The following NRG3 variants were observed in gnomAD, a reference collection of about 807,000 sequenced individuals.
The protein encoded by NRG3 is pro-neuregulin-3, membrane-bound isoform.
NRG3 carries 31 observed loss-of-function variants against 66.9 expected under a neutral mutation model. The observed-to-expected ratio is 0.46, with a 90% CI of 0.35 to 0.63. The LOEUF (loss-of-function observed/expected upper bound fraction) is 0.63, where lower values mean the gene tolerates loss of function less well. Among genes scored for constraint, NRG3 ranks in the 20% least tolerant of loss-of-function variants. The pLI, the probability that NRG3 is intolerant of heterozygous loss-of-function variation, is 0.00. For missense variants in NRG3, 910 were observed against 878.9 expected, an observed-to-expected ratio of 1.04 and a Z score of -0.45; for synonymous variants, 393 against 359.4, an observed-to-expected ratio of 1.09 and a Z score of -1.06.
chr10:82,191,580 C>T (rs1005991518), intron 1 of NRG3, among the ~76,000 whole-genome samples: 1 of 152,054 alleles, frequency 6.6e-6, no homozygotes, highest in African/African-American at 2.4e-5. Context: ...AACAAGTTTG[C>T]AGGAGCCATT....
At chr10:82,879,467 CTT>C (rs201614818) in intron 4 of NRG3, among the ~76,000 whole-genome samples, 1 of 121,846 alleles carries the variant, frequency 8.2e-6, no homozygotes, top group Admixed American at 8.2e-5. Flanking sequence ...CTAATGAAGA[CTT>C]TTTTTTTTTT....
chr10:82,685,104 A>G (rs1383151980), intron 2 of NRG3, among the ~76,000 whole-genome samples: 2 of 152,012 alleles, frequency 1.3e-5, no homozygotes, highest in Non-Finnish European at 2.9e-5. Flanking sequence ...AAAATGAACA[A>G]GCAAGACTAT....
chr10:82,003,988 A>AACACACAC lies in NRG3; in HGVS notation c.823+127865_823+127872dup, dbSNP rs746699197. Among the ~76,000 whole-genome samples, 822 of 134,398 alleles carry AACACACAC rather than the reference A, an allele frequency of 6.1e-3. 5 individuals are homozygous for AACACACAC. The highest frequency in any genetic ancestry group is 0.014 in the African/African-American group (510 of 35,470). The allele number at this position is 134,398 out of a possible 152,430, so 88.2% of individuals were successfully genotyped here. ...GGTGCTGTAAGGATACCTGACTGAA[A>AACACACAC]ACACACACACACACACACACACACA... On this transcript the variant is annotated intron_variant, in intron 1 of 8. Transcript: ENST00000372141.
At chr10:82,659,723 A>G (rs7072914) in intron 2 of NRG3, among the ~76,000 whole-genome samples, 3,891 of 152,224 alleles carry the variant, frequency 0.026, 154 homozygotes, top group African/African-American at 0.088. Context: ...TGTTGTTTTA[A>G]TAGGTTCAGA....
intron 2 of NRG3, among the ~76,000 whole-genome samples, chr10:82,584,295 A>C (rs573364880): frequency 6.6e-6 from 1 of 152,026 alleles, no homozygotes; most frequent in Non-Finnish European, 1.5e-5. Context: ...CTTGTTGGCC[A>C]TGCTGGTCTT....
intron 2 of NRG3, among the ~76,000 whole-genome samples, chr10:82,402,456 TTTA>T (rs2087175548): frequency 1.3e-5 from 2 of 152,198 alleles, no homozygotes; most frequent in Non-Finnish European, 2.9e-5. Flanking sequence ...TGTTTGTTTA[TTTA>T]TTTTCAGCTG....
chr10:82,028,601 TG>T, intron 1 of NRG3, among the ~76,000 whole-genome samples: 1 of 152,108 alleles, frequency 6.6e-6, no homozygotes, highest in Admixed American at 6.6e-5. Context: ...TGGGCTTCTC[TG>T]ACCTGGCAGT....
intron 1 of NRG3, among the ~76,000 whole-genome samples, chr10:81,947,360 GTCAAGACT>G (rs1328234771): frequency 6.6e-6 from 1 of 152,078 alleles, no homozygotes; most frequent in Non-Finnish European, 1.5e-5. Flanking sequence ...AGGTACTAGG[GTCAAGACT>G]TCAACTTATC....
intron 1 of NRG3, among the ~76,000 whole-genome samples, chr10:82,004,838 G>A (rs2061323044): frequency 6.6e-6 from 1 of 152,206 alleles, no homozygotes; most frequent in East Asian, 1.9e-4. Context: ...TGTGAGCCAA[G>A]GAGTCTTCAG....
chr10:82,086,285 T>C (rs1205530705), intron 1 of NRG3, among the ~76,000 whole-genome samples: 1 of 152,132 alleles, frequency 6.6e-6, no homozygotes, highest in Non-Finnish European at 1.5e-5. Context: ...TTAAAGTAAG[T>C]TATCCATATT....
At chr10:82,961,638 C>T (rs1850650215) in intron 6 of NRG3, among the ~76,000 whole-genome samples, 1 of 152,172 alleles carries the variant, frequency 6.6e-6, no homozygotes, top group South Asian at 2.1e-4. Flanking sequence ...ATGCTACAGG[C>T]ATCTAGTGGG....
intron 2 of NRG3, among the ~76,000 whole-genome samples, chr10:82,605,059 A>G (rs1179602748): frequency 6.6e-6 from 1 of 152,002 alleles, no homozygotes; most frequent in Non-Finnish European, 1.5e-5. Flanking sequence ...CAGTGGATTA[A>G]CTAGGACCAG....
At chr10:82,719,189 T>G (rs1165588273) in intron 2 of NRG3, among the ~76,000 whole-genome samples, 1 of 151,792 alleles carries the variant, frequency 6.6e-6, no homozygotes, top group East Asian at 1.9e-4. Context: ...AGAGTGAGAG[T>G]GTTTGTGGTG....
chr10:82,904,245 T>A (rs1591898346), intron 4 of NRG3, among the ~76,000 whole-genome samples: 1 of 152,156 alleles, frequency 6.6e-6, no homozygotes, highest in Non-Finnish European at 1.5e-5. Context: ...TTAGTTTTAG[T>A]GTATTTTATG....
At chr10:81,998,995 G>A (rs538649588) in intron 1 of NRG3, among the ~76,000 whole-genome samples, 26 of 152,250 alleles carry the variant, frequency 1.7e-4, no homozygotes, top group African/African-American at 6.0e-4. Flanking sequence ...TAGAGATGGG[G>A]TTTCACCGTG....
chr10:82,801,476 A>G (rs2061035480), intron 3 of NRG3, among the ~76,000 whole-genome samples: 1 of 152,146 alleles, frequency 6.6e-6, no homozygotes, highest in Non-Finnish European at 1.5e-5. Context: ...CCAGTAGCAG[A>G]TTGCCAAGCC....
chr10:82,288,337 A>C (rs954840799), intron 1 of NRG3, among the ~76,000 whole-genome samples: 1 of 152,148 alleles, frequency 6.6e-6, no homozygotes, highest in African/African-American at 2.4e-5. Flanking sequence ...TGAGGATTAG[A>C]GAGGTTAAGT....
At chr10:82,877,299 G>T (rs1185073873) in intron 4 of NRG3, among the ~76,000 whole-genome samples, 2 of 150,750 alleles carry the variant, frequency 1.3e-5, no homozygotes, top group Admixed American at 1.3e-4. Flanking sequence ...CTCAGGCCTT[G>T]TACCAGGCCA....
intron 1 of NRG3, among the ~76,000 whole-genome samples, chr10:82,049,207 C>G (rs2063469161): frequency 6.6e-6 from 1 of 152,080 alleles, no homozygotes; most frequent in Non-Finnish European, 1.5e-5. Flanking sequence ...AACTCTTCTT[C>G]AAGTAAGGCT....
Sources: gnomAD v4.1 joint callset for allele counts (sites outside exome capture counted in the v4.1 genomes callset) on GRCh38, gnomAD v4.1.1 for gene constraint, MANE v1.5 for transcripts, NCBI Gene and HGNC (gene_info 2026-07-23, HGNC 2026-07-21) for gene names.